TENM1: variants seen among roughly 807,000 people sequenced by gnomAD.
The protein encoded by TENM1 is teneurin-1.
A neutral mutation model predicts 174.8 loss-of-function variants in TENM1; 35 were observed. The ratio of observed to expected loss-of-function variants is 0.20; its 90% confidence interval spans 0.15 to 0.27. TENM1 has a LOEUF of 0.27. TENM1 is among the 10% of genes least tolerant of loss of function. The pLI is 1.00. For synonymous variants in TENM1, 781 were observed against 798.7 expected (o/e 0.98, Z 0.37); for missense variants, 1,633 against 2,130.1 (o/e 0.77, Z 4.59).
the TENM1 span, among the ~76,000 whole-genome samples, chrX:125,104,470 T>C: frequency 8.9e-6 from 1 of 111,756 alleles, no homozygotes; most frequent in Non-Finnish European, 1.9e-5. Context: ...CCTGCAATTA[T>C]GACATTGACA....
chrX:124,641,112 G>A (rs1234315880), intron 11 of TENM1, among the ~76,000 whole-genome samples: 1 of 111,360 alleles, frequency 9.0e-6, no homozygotes, highest in East Asian at 2.8e-4. Flanking sequence ...AAGGCATGGA[G>A]AAAAGCATAA....
the TENM1 span, among the ~76,000 whole-genome samples, chrX:125,013,572 A>G: frequency 0.1 from 11,379 of 111,000 alleles, 529 homozygotes; most frequent in South Asian, 0.21. Flanking sequence ...GTGTTTTCAT[A>G]CTCTTCTGCC....
intron 18 of TENM1, among the ~76,000 whole-genome samples, chrX:124,518,796 A>G (rs370559323): frequency 1.4e-3 from 156 of 111,748 alleles, no homozygotes; most frequent in African/African-American, 4.8e-3. Context: ...CCGGGGAAGG[A>G]GTCTGGCTCC....
At chrX:124,383,908 T>C in exon 30 of TENM1, 9 of 1,211,652 alleles carry the variant, frequency 7.4e-6, no homozygotes, top group Non-Finnish European at 1.0e-5. Context: ...GTATCTCCTT[T>C]ATGACCTGAC....
chrX:124,682,746 C>T (rs190544369), intron 5 of TENM1, among the ~76,000 whole-genome samples: 120 of 110,942 alleles, frequency 1.1e-3, no homozygotes, highest in African/African-American at 3.6e-3. Context: ...ATAAGCACAA[C>T]ATCAGCAAAA....
chrX:124,812,987 C>T (rs950133447), intron 3 of TENM1, among the ~76,000 whole-genome samples: 1 of 110,770 alleles, frequency 9.0e-6, no homozygotes, highest in Non-Finnish European at 1.9e-5. Flanking sequence ...ATTATACACA[C>T]TCACACATAC....
chrX:124,563,394 A>G (rs1333637840), intron 13 of TENM1, among the ~76,000 whole-genome samples: 1 of 108,363 alleles, frequency 9.2e-6, no homozygotes. Context: ...ATTAAAAATT[A>G]TTTAATAATT....
the TENM1 span, among the ~76,000 whole-genome samples, chrX:124,982,518 A>C: frequency 2.7e-5 from 3 of 111,512 alleles, no homozygotes; most frequent in African/African-American, 9.8e-5. Context: ...TATTTGAAGA[A>C]GACATCTCTG....
chrX:124,967,969 A>G (rs754901214), upstream of TENM1, among the ~76,000 whole-genome samples: 1 of 112,182 alleles, frequency 8.9e-6, no homozygotes, highest in Admixed American at 9.5e-5. Flanking sequence ...AACAAGGGAA[A>G]ATAAATTTGA....
intron 3 of TENM1, among the ~76,000 whole-genome samples, chrX:124,825,240 G>T (rs189367851): frequency 1.1e-5 from 1 of 89,019 alleles, no homozygotes; most frequent in African/African-American, 4.3e-5. Context: ...TGCAACCTCC[G>T]CCTCCCGGGT....
chrX:124,689,744 C>T (rs969471618), intron 5 of TENM1, among the ~76,000 whole-genome samples: 5 of 110,757 alleles, frequency 4.5e-5, no homozygotes, highest in Admixed American at 2.9e-4. Context: ...GATGAAACCA[C>T]GGATAGTACC....
chrX:124,678,135 A>C (rs2052138474), intron 5 of TENM1, among the ~76,000 whole-genome samples: 1 of 110,961 alleles, frequency 9.0e-6, no homozygotes, highest in Non-Finnish European at 1.9e-5. Flanking sequence ...GAAATTGACC[A>C]TGGCAGGTGT....
the TENM1 span, among the ~76,000 whole-genome samples, chrX:125,133,498 C>T: frequency 8.9e-6 from 1 of 111,878 alleles, no homozygotes; most frequent in East Asian, 2.8e-4. Context: ...ATTACTCCAA[C>T]ATCAAGATAA....
chrX:124,417,179 T>G (rs2147729531), intron 25 of TENM1, among the ~76,000 whole-genome samples: 1 of 112,007 alleles, frequency 8.9e-6, no homozygotes, highest in South Asian at 3.8e-4. Flanking sequence ...TGTCTTTTGC[T>G]GGTTCCTCTT....
intron 3 of TENM1, among the ~76,000 whole-genome samples, chrX:124,803,911 G>A (rs2055520512): frequency 8.9e-6 from 1 of 112,208 alleles, no homozygotes; most frequent in African/African-American, 3.2e-5. Flanking sequence ...GAAGCATTGG[G>A]TAATTAAGAC....
chrX:124,801,554 G>A (rs1160664739), intron 3 of TENM1, among the ~76,000 whole-genome samples: 1 of 111,796 alleles, frequency 8.9e-6, no homozygotes, highest in Non-Finnish European at 1.9e-5. Flanking sequence ...GCCAGTCTGT[G>A]TCTTTTAATT....
chrX:125,082,424 A>T, the TENM1 span, among the ~76,000 whole-genome samples: 1 of 111,133 alleles, frequency 9.0e-6, no homozygotes, highest in Non-Finnish European at 1.9e-5. Context: ...GAATTCTCAC[A>T]TTGATCTACA....
chrX:124,823,000 T>A (rs1023177275), intron 3 of TENM1, among the ~76,000 whole-genome samples: 2 of 112,594 alleles, frequency 1.8e-5, no homozygotes, highest in African/African-American at 3.2e-5. Context: ...ATTCTACTTA[T>A]GACCAAGTCC....
chrX:125,199,170 A>C, the TENM1 span, among the ~76,000 whole-genome samples: 15 of 111,412 alleles, frequency 1.3e-4, 1 homozygote, highest in Admixed American at 1.4e-3. Flanking sequence ...GTGACTCCAA[A>C]ACACCCAGAA....
Sources: allele counts gnomAD v4.1 joint callset (sites outside exome capture counted in the v4.1 genomes callset), GRCh38; gene constraint gnomAD v4.1.1; transcripts MANE v1.5; gene names NCBI Gene and HGNC (gene_info 2026-07-23, HGNC 2026-07-21).